The following SYNJ1 variants were observed in gnomAD, a reference collection of about 807,000 sequenced individuals.
SYNJ1 encodes the protein polyphosphatidylinositol phosphatase SYNJ1.
In SYNJ1, 78 loss-of-function variants were observed where a neutral mutation model predicts 168.2. That is an observed-to-expected ratio of 0.46 (90% confidence interval 0.39 to 0.56). The LOEUF (loss-of-function observed/expected upper bound fraction) is 0.56. Among genes scored for constraint, SYNJ1 ranks in the 20% least tolerant of loss-of-function variants. The pLI, the probability that SYNJ1 is intolerant of heterozygous loss-of-function variation, is 0.00. For synonymous variants in SYNJ1, 539 were observed against 548.6 expected (o/e 0.98, Z 0.24); for missense variants, 1,303 against 1,597.6 (o/e 0.82, Z 3.14).
At chr21:32,678,921 A>G (rs1199205181) in intron 11 of SYNJ1, 120 bp from the exon 12 acceptor site, 37 of 1,341,308 alleles carry the variant, frequency 2.8e-5, no homozygotes, top group Non-Finnish European at 3.5e-5. Context: ...AAAGGACCTA[A>G]TCGTTCTATT....
chr21:32,664,843 T>C, intron 18 of SYNJ1, 70 bp downstream of exon 18: 3 of 1,379,816 alleles, frequency 2.2e-6, no homozygotes, highest in Non-Finnish European at 2.9e-6. Context: ...TTTTAAAACA[T>C]CTTGATTTAA....
At chr21:32,700,671 G>A (rs559900548) in intron 3 of SYNJ1, among the ~76,000 whole-genome samples, 8 of 151,924 alleles carry the variant, frequency 5.3e-5, no homozygotes, top group African/African-American at 1.7e-4. Flanking sequence ...AAAACCACAC[G>A]AACAAACAAA....
intron 4 of SYNJ1, among the ~76,000 whole-genome samples, chr21:32,696,070 T>C (rs538540583): frequency 5.9e-5 from 9 of 152,162 alleles, no homozygotes; most frequent in Non-Finnish European, 1.3e-4. Flanking sequence ...GCCAGGATGG[T>C]CCTGAACTCC....
intron 1 of SYNJ1, 91 bp from the exon 2 acceptor site, chr21:32,727,008 G>A: frequency 6.6e-7 from 1 of 1,520,284 alleles, no homozygotes. Context: ...TCCCCGCCAG[G>A]TTTTGATGGG....
rs932147403 is a variant in SYNJ1, at chr21:32,666,104, T to G, written c.1984A>C (p.Met662Leu). The change falls in exon 17 of 33, where the codon ATG becomes CTG. Residue 662 changes from methionine to leucine, a missense_variant. By Grantham distance (15) the Met-to-Leu change is conservative. Transcript: ENST00000674351. ...DVAVDTVKTG[M>L]GGATGNKGAV... ...CCCTTATTTCCAGTTGCACCTCCCA[T>G]TCCAGTCTTCACAGTATCAACTGCA... 2 of 1,611,584 alleles carry G rather than the reference T, an allele frequency of 1.2e-6. No individual in the cohort carries two copies. Among genetic ancestry groups the G allele is most frequent in the Non-Finnish European group, 1.7e-6 (2 of 1,179,178 alleles).
intron 6 of SYNJ1, among the ~76,000 whole-genome samples, chr21:32,688,864 CTA>C (rs1170944342): frequency 6.6e-6 from 1 of 152,174 alleles, no homozygotes; most frequent in African/African-American, 2.4e-5. Flanking sequence ...ATACAAATGT[CTA>C]TGTGTTTTCT....
chr21:32,706,451 G>A (rs1337239604), intron 2 of SYNJ1, among the ~76,000 whole-genome samples: 1 of 149,376 alleles, frequency 6.7e-6, no homozygotes, highest in Non-Finnish European at 1.5e-5. Context: ...CATCATGTCA[G>A]CAACCTATTC....
intron 1 of SYNJ1, chr21:32,727,716 G>A (rs1392314109): frequency 1.1e-6 from 1 of 952,008 alleles, no homozygotes; most frequent in Non-Finnish European, 1.5e-6. Flanking sequence ...CGTTCCCGCG[G>A]GCGGGCTGAC....
chr21:32,661,300 C>A (rs2040690997), intron 18 of SYNJ1, among the ~76,000 whole-genome samples: 1 of 152,206 alleles, frequency 6.6e-6, no homozygotes, highest in Non-Finnish European at 1.5e-5. Flanking sequence ...CAATGTGAGG[C>A]AAGGCCCCAC....
intron 32 of SYNJ1, among the ~76,000 whole-genome samples, chr21:32,633,823 A>G (rs1055134808): frequency 1.3e-5 from 2 of 152,226 alleles, no homozygotes; most frequent in Admixed American, 6.5e-5. Flanking sequence ...TTGAAACAGT[A>G]TATTTTTCTT....
intron 31 of SYNJ1, among the ~76,000 whole-genome samples, chr21:32,635,590 C>A (rs1490782469): frequency 6.6e-6 from 1 of 152,100 alleles, no homozygotes; most frequent in East Asian, 1.9e-4. Context: ...CCCAAGCAGA[C>A]TAAGACACAG....
chr21:32,629,596 A>G lies in SYNJ1; in HGVS notation c.*2209T>C, dbSNP rs1344275555. The G allele has an allele frequency of 6.6e-6, 1 of 152,616 alleles. No individual in the cohort carries two copies. Among genetic ancestry groups the G allele is most frequent in the African/African-American group, 2.4e-5 (1 of 41,444 alleles). The allele number at this position is 152,616 out of a possible 1,614,324, so 9.5% of individuals were successfully genotyped here. ...CCCTCAATGTACATCTTTAAAGGTT[A>G]AGTGTGGACATAGGAATTTAGGTGG... is the stretch of plus-strand genomic sequence containing the variant. On this transcript the variant is annotated 3_prime_UTR_variant, in exon 33 of 33. Transcript: ENST00000674351.
intron 29 of SYNJ1, 22 bp from the exon 30 acceptor site, chr21:32,639,801 CTT>C (rs1569027960): frequency 6.3e-7 from 1 of 1,592,450 alleles, no homozygotes; most frequent in Middle Eastern, 1.7e-4. Context: ...AAACATAACA[CTT>C]GAGACATTTA....
chr21:32,644,123 T>C (rs886703536), intron 26 of SYNJ1, among the ~76,000 whole-genome samples: 2 of 151,410 alleles, frequency 1.3e-5, no homozygotes, highest in African/African-American at 4.9e-5. Context: ...GAAATTTAAA[T>C]AAAAGCAGGA....
chr21:32,642,502 C>G (rs2039886547), intron 27 of SYNJ1, among the ~76,000 whole-genome samples: 1 of 152,182 alleles, frequency 6.6e-6, no homozygotes, highest in Non-Finnish European at 1.5e-5. Context: ...CCCTTAGAGT[C>G]TGGCAGACAA....
At chr21:32,632,462 T>G (rs1004218054) in intron 32 of SYNJ1, among the ~76,000 whole-genome samples, 8 of 151,204 alleles carry the variant, frequency 5.3e-5, no homozygotes, top group African/African-American at 1.9e-4. Context: ...TTTGGCTCAC[T>G]GCAACCTCCA....
intron 18 of SYNJ1, among the ~76,000 whole-genome samples, chr21:32,658,962 G>C (rs1056071907): frequency 6.6e-6 from 1 of 152,150 alleles, no homozygotes; most frequent in Non-Finnish European, 1.5e-5. Context: ...CTGTAAATGG[G>C]ATTCTGGAAA....
chr21:32,663,863 T>C (rs926870580), intron 18 of SYNJ1, among the ~76,000 whole-genome samples: 1 of 152,210 alleles, frequency 6.6e-6, no homozygotes, highest in African/African-American at 2.4e-5. Flanking sequence ...CAAAATAGAT[T>C]GGCTCTCGAC....
chr21:32,676,865 G>C (rs571641408), intron 12 of SYNJ1, among the ~76,000 whole-genome samples: 308 of 152,146 alleles, frequency 2.0e-3, no homozygotes, highest in Non-Finnish European at 3.7e-3. Context: ...ACAGCCACAG[G>C]GCTTATGGGA....
Sources: gnomAD v4.1 joint callset for allele counts (sites outside exome capture counted in the v4.1 genomes callset) on GRCh38, gnomAD v4.1.1 for gene constraint, MANE v1.5 for transcripts, NCBI Gene and HGNC (gene_info 2026-07-23, HGNC 2026-07-21) for gene names.